Variants in CNOT6L observed in about 807,000 individuals in gnomAD.
CNOT6L encodes CCR4-NOT transcription complex subunit 6-like.
In CNOT6L, 7 loss-of-function variants were observed where a neutral mutation model predicts 64.0. That is an observed-to-expected ratio of 0.11 (90% CI 0.06 to 0.21). The LOEUF is 0.21. Among genes scored for constraint, CNOT6L ranks in the 10% least tolerant of loss-of-function variants. The pLI, the probability that CNOT6L is intolerant of heterozygous loss-of-function variation, is 1.00. For missense variants in CNOT6L, 245 were observed against 669.0 expected (o/e 0.37, Z 6.99); for synonymous variants, 193 against 243.4 (o/e 0.79, Z 1.93).
At chr4:77,749,628 C>T (rs1724624297) in intron 5 of CNOT6L, among the ~76,000 whole-genome samples, 1 of 152,152 alleles carries the variant, frequency 6.6e-6, no homozygotes. Context: ...ACGCAATCAA[C>T]AATATCCAAA....
intron 2 of CNOT6L, among the ~76,000 whole-genome samples, chr4:77,775,240 C>T (rs1037496868): frequency 6.6e-6 from 1 of 152,152 alleles, no homozygotes; most frequent in Non-Finnish European, 1.5e-5. Context: ...CTTTTGACTA[C>T]CAATCATCCA....
At chr4:77,739,249 A>G (rs777639582) in intron 8 of CNOT6L, among the ~76,000 whole-genome samples, 15 of 152,314 alleles carry the variant, frequency 9.8e-5, no homozygotes, top group Non-Finnish European at 1.8e-4. Flanking sequence ...TTAAACAGTC[A>G]TCAGTGAAGA....
rs546759533 is a variant in CNOT6L at position 77,750,511 on chromosome 4, C to A, written c.491-2127G>T. On this transcript the variant is annotated intron_variant, in intron 5 of 11. Transcript: ENST00000504123. ...GGACTACTGGCGCCCACCACCACAC[C>A]CAGCTAATTTTTTTTGTATTTTCAG... Among the ~76,000 whole-genome samples, 8 of 152,164 alleles carry A rather than the reference C, an allele frequency of 5.3e-5. No homozygotes were observed. In the South Asian group the frequency reaches 1.0e-3, roughly 20 times the overall value.
At chr4:77,776,672 A>G (rs1421701878) in intron 1 of CNOT6L, among the ~76,000 whole-genome samples, 1 of 152,164 alleles carries the variant, frequency 6.6e-6, no homozygotes, top group African/African-American at 2.4e-5. Flanking sequence ...CCTTCCCTTC[A>G]TTTAGCTGCA....
intron 7 of CNOT6L, 137 bp downstream of exon 7, chr4:77,744,581 C>T: frequency 1.4e-6 from 1 of 694,306 alleles, no homozygotes. Flanking sequence ...TTAAATTGTC[C>T]ATTATTTTTA....
chr4:77,729,399 T>G (rs555897589), intron 9 of CNOT6L, among the ~76,000 whole-genome samples: 1 of 152,192 alleles, frequency 6.6e-6, no homozygotes, highest in South Asian at 2.1e-4. Flanking sequence ...AGGTTTTCAG[T>G]TGAGTTACCT....
intron 1 of CNOT6L, among the ~76,000 whole-genome samples, chr4:77,810,054 G>A (rs1387781366): frequency 6.6e-6 from 1 of 151,798 alleles, no homozygotes; most frequent in East Asian, 1.9e-4. Flanking sequence ...TTTTAAAGCG[G>A]ACTAAAAATA....
chr4:77,817,998 T>G (rs1733762741), intron 1 of CNOT6L, among the ~76,000 whole-genome samples: 1 of 152,242 alleles, frequency 6.6e-6, no homozygotes, highest in Admixed American at 6.5e-5. Context: ...GGCAGCAGGT[T>G]TATCTTTACA....
At chr4:77,760,945 T>C (rs1440975573) in intron 4 of CNOT6L, among the ~76,000 whole-genome samples, 3 of 143,812 alleles carry the variant, frequency 2.1e-5, no homozygotes, top group Non-Finnish European at 4.5e-5. Context: ...CTTGATCTCC[T>C]GACCTCGTCA....
At chr4:77,728,612 T>C (rs1356227680) in intron 10 of CNOT6L, among the ~76,000 whole-genome samples, 1 of 152,268 alleles carries the variant, frequency 6.6e-6, no homozygotes, top group South Asian at 2.1e-4. Context: ...GGTAAAGAGA[T>C]CTATTACTAA....
chr4:77,813,743 T>C (rs1421747128), intron 1 of CNOT6L, among the ~76,000 whole-genome samples: 1 of 152,064 alleles, frequency 6.6e-6, no homozygotes, highest in African/African-American at 2.4e-5. Context: ...AAAAAGGAGA[T>C]AATAACAATT....
At chr4:77,806,019 A>G (rs1458954803) in intron 1 of CNOT6L, among the ~76,000 whole-genome samples, 1 of 152,216 alleles carries the variant, frequency 6.6e-6, no homozygotes, top group African/African-American at 2.4e-5. Context: ...TGACTTCCTC[A>G]TAGTCAATCA....
intron 4 of CNOT6L, among the ~76,000 whole-genome samples, chr4:77,764,510 A>C (rs988624659): frequency 1.3e-5 from 2 of 152,088 alleles, no homozygotes; most frequent in Non-Finnish European, 2.9e-5. Context: ...CTTTCCTAAT[A>C]AACTTGCTTT....
At chr4:77,809,620 T>G (rs1560439933) in intron 1 of CNOT6L, among the ~76,000 whole-genome samples, 1 of 152,142 alleles carries the variant, frequency 6.6e-6, no homozygotes, top group Non-Finnish European at 1.5e-5. Context: ...TGATAAACAT[T>G]ATGATCAGAA....
chr4:77,731,368 T>C lies in CNOT6L; in HGVS notation c.1024+19A>G. ...GGATGGTGTTTATTTTTAGTAAGAA[T>C]ATTTTACATTGCACTCACCTGCTCC... On this transcript the variant is annotated intron_variant, in intron 9 of 11. Coordinates refer to ENST00000504123, the MANE Select transcript of CNOT6L (RefSeq NM_144571.3). 1 of 1,603,262 alleles carries C rather than the reference T, an allele frequency of 6.2e-7. No individual in the cohort carries two copies. Among genetic ancestry groups the C allele is most frequent in the Non-Finnish European group, 8.5e-7 (1 of 1,176,198 alleles).
At position 77,774,536 on chromosome 4, in the gene CNOT6L, G is replaced by T; in HGVS notation, c.308C>A (p.Ser103Tyr). 1.2e-6 allele frequency: 2 copies of T among 1,607,220 alleles called. No homozygotes were observed. The highest frequency in any genetic ancestry group is 2.2e-5 in the South Asian group (2 of 89,966). ...SLPAELGNMV[S>Y]LRELLLNNNL... ...GTCTGTTTTATTTCCTCACCTGAGA[G>T]ACACCATGTTTCCTAGTTCTGCTGG... The change falls in exon 3 of 12, where the codon TCT becomes TAT. Residue 103 changes from serine to tyrosine, a missense_variant. Physicochemically the swap from Ser to Tyr is moderately radical, Grantham distance 144. Around this residue, in one of 10 missense-constraint regions of CNOT6L, gnomAD observed 78 missense variants for 137.6 expected, o/e 0.57. Transcript: ENST00000504123.
intron 1 of CNOT6L, among the ~76,000 whole-genome samples, chr4:77,798,411 G>C (rs1288289501): frequency 6.6e-6 from 1 of 151,998 alleles, no homozygotes; most frequent in Non-Finnish European, 1.5e-5. Flanking sequence ...CCAACATAAA[G>C]AACTGTCAAA....
At position 77,716,292 on chromosome 4, in the gene CNOT6L, T is replaced by TA. The variant is rs1720741052; in HGVS notation, c.*4138dup. The TA allele has an allele frequency of 6.6e-6, 1 of 152,102 alleles. No homozygotes were observed. The highest frequency in any genetic ancestry group is 2.4e-5 in the African/African-American group (1 of 41,438). The allele number at this position is 152,102 out of a possible 1,614,324, so 9.4% of individuals were successfully genotyped here. ...TGGTCAGCATATTTTGCAAAGCTAT[T>TA]AAAATATCTCAGAAACAGAATAAAA... On this transcript the variant is annotated 3_prime_UTR_variant, in exon 12 of 12. Coordinates refer to ENST00000504123, the MANE Select transcript of CNOT6L (RefSeq NM_144571.3).
At position 77,748,191 on chromosome 4, in the gene CNOT6L, C is replaced by A; in HGVS notation, c.559+125G>T. 1.7e-5 allele frequency: 12 copies of A among 712,120 alleles called. No homozygotes were observed. The South Asian group carries it at 1.7e-4, about 10-fold the overall frequency. The allele number at this position is 712,120 out of a possible 1,614,324, so 44.1% of individuals were successfully genotyped here. ...GTGGACTTTTTAAAAGTCTATCCAT[C>A]AGTATTTTTAAATGCATCTACCCAT... On this transcript the variant is annotated intron_variant, in intron 6 of 11. Coordinates refer to ENST00000504123, the MANE Select transcript of CNOT6L (RefSeq NM_144571.3).
Sources: allele counts gnomAD v4.1 joint callset (sites outside exome capture counted in the v4.1 genomes callset), GRCh38; gene constraint gnomAD v4.1.1; regional missense constraint gnomAD v4.1.1; transcripts MANE v1.5; gene names NCBI Gene and HGNC (gene_info 2026-07-23, HGNC 2026-07-21).